DPH7: variants seen among roughly 807,000 people sequenced by gnomAD.
DPH7 encodes diphthamide biosynthesis 7.
Under a neutral mutation model 41.7 loss-of-function variants are expected in DPH7, and 44 were observed. That is an observed-to-expected ratio of 1.05 (90% CI 0.83 to 1.36). DPH7 has a LOEUF of 1.36. Among genes scored for constraint, DPH7 ranks in the 40% most tolerant of loss-of-function variants. The pLI is 0.00. For missense variants in DPH7, 629 were observed against 577.5 expected, an observed-to-expected ratio of 1.09 and a Z score of -0.91; for synonymous variants, 275 against 238.0, an observed-to-expected ratio of 1.16 and a Z score of -1.43.
In DPH7 at chr9:137,569,824, TCCA is replaced by T. The variant is rs1178391512; in HGVS notation, c.640+4381_640+4383del. Reference sequence around the variant, plus strand: ...CGCCACCACCACCACCATCCAAAAATCCACCATCCATCCACCACACACCCACCA... The same window carrying T: ...CGCCACCACCACCACCATCCAAAAATCCATCCATCCACCACACACCCACCA... On this transcript the variant is annotated intron_variant, in intron 5 of 8. Transcript: ENST00000277540. 3.1e-5 allele frequency among the ~76,000 whole-genome samples: 4 copies of T among 130,628 alleles called. No individual in the cohort carries two copies. The East Asian group carries it at 9.9e-4, about 32-fold the overall frequency. The allele number at this position is 130,628 out of a possible 152,430, so 85.7% of individuals were successfully genotyped here.
intron 5 of DPH7, among the ~76,000 whole-genome samples, chr9:137,569,772 T>C (rs1030846951): frequency 7.8e-6 from 1 of 127,534 alleles, no homozygotes; most frequent in African/African-American, 3.0e-5. Context: ...CCACCATCCA[T>C]CTATCCAGTC....
intron 8 of DPH7, among the ~76,000 whole-genome samples, chr9:137,559,021 A>G (rs936554030): frequency 6.6e-6 from 1 of 152,242 alleles, no homozygotes. Context: ...CAAGAGACCG[A>G]GGACATGAGC....
In DPH7 at chr9:137,554,621, A is replaced by G. The variant is rs1837158298; in HGVS notation, c.*618T>C. On this transcript the variant is annotated 3_prime_UTR_variant, in exon 9 of 9. Transcript: ENST00000277540. ...CTGGCTAATTTTTGTTTTACTTTTT[A>G]TAGAGACTGGGTTTTGCTATGTTGC... 6.6e-6 allele frequency among the ~76,000 whole-genome samples: 1 copy of G among 151,952 alleles called. No individual in the cohort carries two copies. Among genetic ancestry groups the G allele is most frequent in the African/African-American group, 2.4e-5 (1 of 41,352 alleles).
intron 8 of DPH7, among the ~76,000 whole-genome samples, chr9:137,561,411 G>C (rs1034687120): frequency 2.0e-5 from 3 of 151,920 alleles, no homozygotes; most frequent in Non-Finnish European, 4.4e-5. Context: ...GTGGTGGCAG[G>C]TGCCTGTATT....
chr9:137,576,151 C>A lies in DPH7; in HGVS notation c.304G>T (p.Ala102Ser). 1 of 1,613,818 alleles carries A rather than the reference C, an allele frequency of 6.2e-7. No individual in the cohort carries two copies. Among genetic ancestry groups the A allele is most frequent in the East Asian group, 2.2e-5 (1 of 44,886 alleles). ...LDMKWCHIPV[A>S]GHALLGLADA... ...GCCAAGCCCAAGAGGGCATGTCCAGCCACCGGGATGTGACACCTGAGGAGA... is the reference window on the plus strand; with the variant it reads ...GCCAAGCCCAAGAGGGCATGTCCAGACACCGGGATGTGACACCTGAGGAGA... Residue 102 changes from alanine to serine, a missense_variant, in exon 3 of 9, where the codon GCT becomes TCT. Transcript: ENST00000277540.
intron 5 of DPH7, among the ~76,000 whole-genome samples, chr9:137,574,005 G>A (rs1018470119): frequency 6.6e-6 from 1 of 152,208 alleles, no homozygotes; most frequent in African/African-American, 2.4e-5. Context: ...GGTGGAGATT[G>A]CAGTAAGCCA....
intron 5 of DPH7, among the ~76,000 whole-genome samples, chr9:137,568,682 C>T (rs1228505311): frequency 6.6e-6 from 1 of 152,144 alleles, no homozygotes; most frequent in Non-Finnish European, 1.5e-5. Flanking sequence ...AAAGTCATCA[C>T]TGTGCCTTGA....
In DPH7 at chr9:137,565,096, G is replaced by A. The variant is rs775477611; in HGVS notation, c.699C>T (p.Phe233=). The change falls in exon 6 of 9, where the codon TTC becomes TTT. Residue 233 remains phenylalanine, a synonymous_variant. Coordinates refer to ENST00000277540, the MANE Select transcript of DPH7 (RefSeq NM_138778.5). The part of the protein sequence containing the change: ...WDTRVPGKFL[F]TSKRHTMGVC... ...CCTTGGGCAGTTACCTTTTGCTGGT[G>A]AAGAGAAATTTGCCGGGTACCCTGG... 4.3e-5 allele frequency: 69 copies of A among 1,613,960 alleles called. No individual in the cohort carries two copies. Among genetic ancestry groups the A allele is most frequent in the Non-Finnish European group, 5.7e-5 (67 of 1,180,030 alleles).
In DPH7 at chr9:137,557,003, C is replaced by T. The variant is rs1003837060; in HGVS notation, c.950-1355G>A. 7.0e-6 allele frequency: 3 copies of T among 427,124 alleles called. No individual in the cohort carries two copies. In the Admixed American group the frequency reaches 7.7e-5, roughly 11 times the overall value. The allele number at this position is 427,124 out of a possible 1,614,324, so 26.5% of individuals were successfully genotyped here. On this transcript the variant is annotated intron_variant, in intron 8 of 8. Coordinates refer to ENST00000277540, the MANE Select transcript of DPH7 (RefSeq NM_138778.5). ...ACAGGACCTCACTCTGTCGCATAGG[C>T]TGGAGTGCACTGACCTGGGCTCTGT...
chr9:137,573,682 C>CAAAAA (rs61028786), intron 5 of DPH7, among the ~76,000 whole-genome samples: 8 of 25,942 alleles, frequency 3.1e-4, no homozygotes, highest in East Asian at 1.8e-3. Context: ...GACTCTGTCT[C>CAAAAA]AAAAAAAAAA....
At chr9:137,565,049 G>A (rs1264581876) in intron 6 of DPH7, 36 bp downstream of exon 6, 93 of 1,613,310 alleles carry the variant, frequency 5.8e-5, no homozygotes, top group Non-Finnish European at 7.8e-5. Context: ...CGCGGGGGCT[G>A]GTGTGGGCAC....
chr9:137,564,796 CA>C (rs1455565314), intron 7 of DPH7, 96 bp downstream of exon 7: 6 of 1,468,890 alleles, frequency 4.1e-6, no homozygotes, highest in Non-Finnish European at 5.6e-6. Context: ...GCAATGGTGC[CA>C]GGAGGAAAGG....
At chr9:137,560,757 G>T (rs1838385171) in intron 8 of DPH7, among the ~76,000 whole-genome samples, 1 of 152,002 alleles carries the variant, frequency 6.6e-6, no homozygotes, top group Non-Finnish European at 1.5e-5. Context: ...TCAGGAGGCT[G>T]AGGCAGGAGA....
chr9:137,576,259 C>T (rs1841371805), intron 2 of DPH7, 92 bp from the exon 3 acceptor site: 1 of 1,165,398 alleles, frequency 8.6e-7, no homozygotes, highest in Non-Finnish European at 1.3e-6. Flanking sequence ...CTTCCCTTAA[C>T]AACGGGGCTG....
chr9:137,577,509 A>C lies in DPH7; in HGVS notation c.248T>G (p.Val83Gly), dbSNP rs1841619512. 1 of 1,613,882 alleles carries C rather than the reference A, an allele frequency of 6.2e-7. No homozygotes were observed. Among genetic ancestry groups the C allele is most frequent in the Non-Finnish European group, 8.5e-7 (1 of 1,179,994 alleles). The change falls in exon 2 of 9, where the codon GTC (valine) becomes GGC (glycine). Residue 83 changes from valine (V) to glycine (G), a missense_variant. By Grantham distance (109) the Val-to-Gly change is moderately radical (BLOSUM62 -3). Coordinates refer to ENST00000277540, the MANE Select transcript of DPH7 (RefSeq NM_138778.5). ...DNNSIHPLVE[V>G]QRKDTSAILD... ...GATTGCAGAAGTATCTTTTCTTTGG[A>C]CCTCGACCAGAGGGTGAATAGAGTT...
Position 137,578,785 on chromosome 9 carries a change from T to G in DPH7, c.-8A>C. On this transcript the variant is annotated 5_prime_UTR_variant, in exon 1 of 9. Transcript: ENST00000277540. ...GGCGAAACAGCCCATCATCCAGCCC[T>G]CGGGGAAGGGCGCGGAGCCGGCAGT... The G allele has an allele frequency of 2.1e-6, 3 of 1,462,308 alleles. No individual in the cohort carries two copies. 90.6% of individuals were successfully genotyped at this position (1,462,308 alleles called of 1,614,324 possible). A position where few individuals can be genotyped will look rare whatever the true frequency, so the allele number is the denominator to read the frequency against.
chr9:137,577,248 G>C (rs1448553741), intron 2 of DPH7, among the ~76,000 whole-genome samples: 1 of 152,092 alleles, frequency 6.6e-6, no homozygotes, highest in Non-Finnish European at 1.5e-5. Context: ...AGACGCCCCA[G>C]GTTATGAAGT....
rs77855295 is a variant in DPH7 at position 137,555,632 on chromosome 9, C to G, written c.966G>C (p.Ala322=). 4.4e-6 allele frequency: 7 copies of G among 1,600,828 alleles called. No homozygotes were observed. The East Asian group carries it at 1.6e-4, about 36-fold the overall frequency. ...GCAATGTGTGAGATGTCAGGACCGT[C>G]GCCTCCTGCCTCTCCTCTGGAGTGA... ...CQKAMEERQE[A]TVLTSHTLPD... Residue 322 remains alanine, a synonymous_variant, in exon 9 of 9, where the codon GCG becomes GCC. Coordinates refer to ENST00000277540, the MANE Select transcript of DPH7 (RefSeq NM_138778.5).
intron 5 of DPH7, among the ~76,000 whole-genome samples, chr9:137,573,682 CAAAAAAAAAA>C (rs61028786): frequency 5.4e-4 from 14 of 25,910 alleles, no homozygotes; most frequent in East Asian, 5.4e-3. Context: ...GACTCTGTCT[CAAAAAAAAAA>C]AAAAAAAAAA....
Sources: gnomAD v4.1 joint callset for allele counts (sites outside exome capture counted in the v4.1 genomes callset) on GRCh38, gnomAD v4.1.1 for gene constraint, MANE v1.5 for transcripts, NCBI Gene and HGNC (gene_info 2026-07-23, HGNC 2026-07-21) for gene names.